IL1RL2: variants seen among roughly 807,000 people sequenced by gnomAD.
IL1RL2 encodes the protein interleukin 1 receptor like 2.
A neutral mutation model predicts 66.8 loss-of-function variants in IL1RL2; 68 were observed. The ratio of observed to expected loss-of-function variants is 1.02; its 90% confidence interval spans 0.84 to 1.25. The LOEUF is 1.25. IL1RL2 is among the 50% of genes most tolerant of loss of function. The pLI is 0.00. For missense variants in IL1RL2, 729 were observed against 709.3 expected, an observed-to-expected ratio of 1.03 and a Z score of -0.32; for synonymous variants, 305 against 264.6, an observed-to-expected ratio of 1.15 and a Z score of -1.48.
chr2:102,240,106 T>A (rs1675185234), downstream of IL1RL2: 1 of 152,236 alleles, frequency 6.6e-6, no homozygotes, highest in South Asian at 2.1e-4. Context: ...ACAATTAGCT[T>A]GTCAACATTC....
chr2:102,212,236 T>C, intron 6 of IL1RL2, 62 bp downstream of exon 6: 1 of 1,185,342 alleles, frequency 8.4e-7, no homozygotes, highest in Admixed American at 1.7e-5. Context: ...GTTTGCATAT[T>C]CTGGTGAATA....
chr2:102,192,043 C>A lies in IL1RL2; in HGVS notation c.412C>A (p.Leu138Ile). Residue 138 changes from leucine to isoleucine, a missense_variant, in exon 4 of 12, where the codon CTT (leucine) becomes ATT (isoleucine). Coordinates refer to ENST00000264257, the MANE Select transcript of IL1RL2 (RefSeq NM_003854.4). ...AGATGAGTACAAGCAAATATTACAT[C>A]TTGGAAAAGATGATAGTCTCACATG... Reference protein sequence around the residue: ...LSDEYKQILHLGKDDSLTCHL... With the variant: ...LSDEYKQILHIGKDDSLTCHL... 1 of 1,612,768 alleles carries A rather than the reference C, an allele frequency of 6.2e-7. No homozygotes were observed. The highest frequency in any genetic ancestry group is 8.5e-7 in the Non-Finnish European group (1 of 1,179,524).
chr2:102,200,072 C>T (rs1019643738), intron 4 of IL1RL2, among the ~76,000 whole-genome samples: 2 of 150,230 alleles, frequency 1.3e-5, no homozygotes, highest in African/African-American at 4.9e-5. Flanking sequence ...TGGGAGGATC[C>T]CCCGAGCTCA....
At chr2:102,224,156 T>C (rs920128590) in intron 8 of IL1RL2, among the ~76,000 whole-genome samples, 4 of 152,178 alleles carry the variant, frequency 2.6e-5, no homozygotes, top group African/African-American at 4.8e-5. Context: ...GAAAACATTA[T>C]AGTGGTTCCT....
intron 9 of IL1RL2, among the ~76,000 whole-genome samples, chr2:102,227,995 A>G (rs1651328216): frequency 6.6e-6 from 1 of 152,192 alleles, no homozygotes; most frequent in South Asian, 2.1e-4. Flanking sequence ...TGGGCAGATG[A>G]GAGAGTTAGG....
chr2:102,240,013 GT>G (rs1675183150), downstream of IL1RL2: 1 of 151,968 alleles, frequency 6.6e-6, no homozygotes, highest in African/African-American at 2.4e-5. Context: ...TCACAATTTT[GT>G]TTGTTTACCA....
intron 11 of IL1RL2, chr2:102,235,691 A>C: frequency 2.0e-6 from 2 of 985,400 alleles, no homozygotes; most frequent in Non-Finnish European, 2.4e-6. Context: ...AGGGCAGTCT[A>C]GCACCAGGAG....
At chr2:102,222,091 CT>C (rs1189471519) in intron 8 of IL1RL2, among the ~76,000 whole-genome samples, 8 of 152,094 alleles carry the variant, frequency 5.3e-5, no homozygotes, top group African/African-American at 1.4e-4. Context: ...GCTGATAGTC[CT>C]AATAATACAA....
chr2:102,191,868 T>A (rs1687257841), intron 3 of IL1RL2, 57 bp from the exon 4 acceptor site: 1 of 1,167,814 alleles, frequency 8.6e-7, no homozygotes, highest in Admixed American at 2.3e-5. Context: ...ATGAGTGGAA[T>A]TATTTGATTT....
chr2:102,233,755 G>A (rs1325193767), intron 10 of IL1RL2, among the ~76,000 whole-genome samples: 5 of 152,074 alleles, frequency 3.3e-5, no homozygotes, highest in African/African-American at 1.2e-4. Context: ...GGGGTCCCCG[G>A]CATGGAGCTC....
In IL1RL2 at chr2:102,232,954, C is replaced by T. The variant is rs779171081; in HGVS notation, c.1136-9C>T. ...AACAATTCCACAAGCTTGTCCAATT[C>T]CTTTTCAGATGGGAAGCTGTATGAC... On this transcript the variant is annotated splice_polypyrimidine_tract_variant and intron_variant, in intron 9 of 11. Coordinates refer to ENST00000264257, the MANE Select transcript of IL1RL2 (RefSeq NM_003854.4). 3.1e-6 allele frequency: 5 copies of T among 1,603,114 alleles called. No individual in the cohort carries two copies. The highest frequency in any genetic ancestry group is 2.7e-5 in the African/African-American group (2 of 74,720).
At position 102,234,996 on chromosome 2, in the gene IL1RL2, CAGA is replaced by C. The variant is rs770398178; in HGVS notation, c.1402_1404del (p.Glu468del). ...GGCTTTGGCCTGTTGAAGAACCTGT[CAGA>C]AGAACAAATCGCGGTCTACAGTGCC... On this transcript the variant is annotated inframe_deletion, in exon 11 of 12. Transcript: ENST00000264257. 9.7e-5 allele frequency: 156 copies of C among 1,614,014 alleles called. No homozygotes were observed. The highest frequency in any genetic ancestry group is 2.0e-4 in the Admixed American group (12 of 59,994).
At chr2:102,235,668 G>A (rs1235311822) in intron 11 of IL1RL2, 7 of 985,220 alleles carry the variant, frequency 7.1e-6, no homozygotes, top group South Asian at 4.7e-5. Flanking sequence ...CTGTGCTGTC[G>A]GGGGACCACA....
intron 6 of IL1RL2, among the ~76,000 whole-genome samples, chr2:102,213,178 T>G (rs1264028379): frequency 6.6e-6 from 1 of 152,154 alleles, no homozygotes; most frequent in East Asian, 1.9e-4. Context: ...AGGGGGAGAT[T>G]TTAACATACT....
Position 102,234,921 on chromosome 2 carries a change from A to T in IL1RL2, c.1322A>T (p.Asn441Ile). 1 of 1,612,440 alleles carries T rather than the reference A, an allele frequency of 6.2e-7. No individual in the cohort carries two copies. The highest frequency in any genetic ancestry group is 8.5e-7 in the Non-Finnish European group (1 of 1,178,676). Residue 441 changes from asparagine to isoleucine, a missense_variant, in exon 11 of 12, where the codon AAC becomes ATC. By Grantham distance (149) the Asn-to-Ile change is moderately radical. Transcript: ENST00000264257. ...GQAVANVIDE[N>I]VKLCRRLIVI... ...GCCGTGGCCAATGTCATCGATGAAA[A>T]CGTTAAGCTGTGCAGGAGGCTGATT... is the stretch of plus-strand genomic sequence containing the variant.
At chr2:102,223,011 C>T (rs1690276965) in intron 8 of IL1RL2, among the ~76,000 whole-genome samples, 1 of 152,222 alleles carries the variant, frequency 6.6e-6, no homozygotes, top group Non-Finnish European at 1.5e-5. Flanking sequence ...GATTCTGAGG[C>T]CAAGTCCAAG....
chr2:102,222,100 C>T (rs1409870478), intron 8 of IL1RL2, among the ~76,000 whole-genome samples: 2 of 152,064 alleles, frequency 1.3e-5, no homozygotes, highest in Admixed American at 6.6e-5. Context: ...CCTAATAATA[C>T]AATTTATTTT....
intron 3 of IL1RL2, among the ~76,000 whole-genome samples, chr2:102,190,098 T>C (rs991506709): frequency 2.6e-5 from 4 of 152,224 alleles, no homozygotes; most frequent in Non-Finnish European, 5.9e-5. Flanking sequence ...CTGGAGAACC[T>C]GTGCTAAGAA....
At chr2:102,215,621 T>A (rs954680162) in intron 6 of IL1RL2, among the ~76,000 whole-genome samples, 49 of 151,948 alleles carry the variant, frequency 3.2e-4, no homozygotes, top group African/African-American at 1.2e-3. Flanking sequence ...CGACACCCCT[T>A]TTCCATTGGA....
Sources: gnomAD v4.1 joint callset for allele counts (sites outside exome capture counted in the v4.1 genomes callset) on GRCh38, gnomAD v4.1.1 for gene constraint, MANE v1.5 for transcripts, NCBI Gene and HGNC (gene_info 2026-07-23, HGNC 2026-07-21) for gene names.